TRPA1: variants seen among roughly 807,000 people sequenced by gnomAD.
TRPA1 encodes transient receptor potential cation channel subfamily A member 1.
TRPA1 carries 129 observed loss-of-function variants against 131.3 expected under a neutral mutation model. The ratio of observed to expected loss-of-function variants is 0.98; its 90% CI spans 0.85 to 1.14. TRPA1 has a LOEUF of 1.14. Ranked by LOEUF, TRPA1 falls within the 50% of genes most tolerant of loss-of-function variation. The pLI is 0.00. For missense variants in TRPA1, 1,304 were observed against 1,354.2 expected (o/e 0.96, Z 0.58); for synonymous variants, 441 against 451.7 (o/e 0.98, Z 0.30).
rs1009267120 is a variant in TRPA1 at position 72,055,292 on chromosome 8, A to G, written c.1529+144T>C. 1.7e-5 allele frequency: 12 copies of G among 697,162 alleles called. No homozygotes were observed. The African/African-American group carries it at 2.2e-4, about 13-fold the overall frequency. The allele number at this position is 697,162 out of a possible 1,614,324, so 43.2% of individuals were successfully genotyped here. The stretch of plus-strand genomic sequence containing the variant: ...CCCTTTCAGTATTTTTAGAAGTTAC[A>G]TATGTTTTGATGAAAAAATAAATTG... On this transcript the variant is annotated intron_variant, in intron 12 of 26. Coordinates refer to ENST00000262209, the MANE Select transcript of TRPA1 (RefSeq NM_007332.3).
At chr8:72,031,921 G>C (rs534151397) in intron 23 of TRPA1, among the ~76,000 whole-genome samples, 66 of 152,310 alleles carry the variant, frequency 4.3e-4, no homozygotes, top group African/African-American at 1.5e-3. Context: ...AATAGAGTTA[G>C]TTAATTGGAG....
chr8:72,030,389 G>C (rs922795497), intron 23 of TRPA1, among the ~76,000 whole-genome samples: 2 of 152,122 alleles, frequency 1.3e-5, no homozygotes, highest in African/African-American at 4.8e-5. Flanking sequence ...CATAAAAATT[G>C]AAATCATAGC....
intron 24 of TRPA1, among the ~76,000 whole-genome samples, chr8:72,028,541 T>A (rs925959393): frequency 1.3e-5 from 2 of 152,244 alleles, no homozygotes; most frequent in Non-Finnish European, 2.9e-5. Context: ...TATTTTTGCA[T>A]TTTTTCCTGT....
intron 4 of TRPA1, among the ~76,000 whole-genome samples, chr8:72,064,796 T>C (rs945788617): frequency 1.3e-5 from 2 of 149,248 alleles, no homozygotes; most frequent in Non-Finnish European, 3.0e-5. Flanking sequence ...GCCGGCATTC[T>C]AACAGCACAC....
At chr8:72,052,188 G>A (rs747822225) in intron 14 of TRPA1, among the ~76,000 whole-genome samples, 33 of 152,148 alleles carry the variant, frequency 2.2e-4, no homozygotes, top group Non-Finnish European at 3.8e-4. Context: ...TTGGGAGGCC[G>A]AGGTGGGCGA....
chr8:72,043,355 C>T (rs1209329479), intron 17 of TRPA1, among the ~76,000 whole-genome samples: 4 of 151,822 alleles, frequency 2.6e-5, no homozygotes, highest in Non-Finnish European at 4.4e-5. Flanking sequence ...TTATTCAACA[C>T]AGCCTAGAAA....
At chr8:72,071,640 T>C (rs964292635) in intron 2 of TRPA1, 71 bp downstream of exon 2, 4 of 1,554,562 alleles carry the variant, frequency 2.6e-6, no homozygotes, top group Non-Finnish European at 3.5e-6. Flanking sequence ...AAAAATCACT[T>C]CCTTCCATTC....
intron 1 of TRPA1, among the ~76,000 whole-genome samples, chr8:72,073,480 T>TA (rs1376720958): frequency 6.6e-6 from 1 of 152,178 alleles, no homozygotes; most frequent in Non-Finnish European, 1.5e-5. Context: ...CTCTAGAGGT[T>TA]AAAAAACCCT....
chr8:72,026,878 G>T (rs990805890), intron 24 of TRPA1, among the ~76,000 whole-genome samples: 1 of 152,000 alleles, frequency 6.6e-6, no homozygotes, highest in Non-Finnish European at 1.5e-5. Flanking sequence ...ATAGTGAAAT[G>T]GTAAGAACTT....
the TRPA1 span, among the ~76,000 whole-genome samples, chr8:72,089,826 T>C: frequency 1.3e-5 from 2 of 152,094 alleles, no homozygotes; most frequent in Non-Finnish European, 2.9e-5. Context: ...TTCAGATGTA[T>C]ATGTTAGTAT....
intron 12 of TRPA1, 55 bp downstream of exon 12, chr8:72,055,381 C>A: frequency 2.8e-6 from 4 of 1,447,550 alleles, no homozygotes; most frequent in Non-Finnish European, 3.9e-6. Flanking sequence ...GAAAAGATAG[C>A]CTGAAAATGG....
At chr8:72,088,816 T>C in the TRPA1 span, among the ~76,000 whole-genome samples, 3 of 152,212 alleles carry the variant, frequency 2.0e-5, no homozygotes, top group African/African-American at 7.2e-5. Flanking sequence ...TATCTTGCTC[T>C]TTCTACTCCC....
intron 12 of TRPA1, chr8:72,054,796 G>T (rs1805618883): frequency 6.6e-6 from 1 of 152,406 alleles, no homozygotes; most frequent in African/African-American, 2.4e-5. Context: ...TACTGCTATG[G>T]TAAGATATCA....
At chr8:72,082,909 C>T in the TRPA1 span, among the ~76,000 whole-genome samples, 3 of 151,724 alleles carry the variant, frequency 2.0e-5, no homozygotes, top group East Asian at 3.9e-4. Context: ...CTTTCTCTTG[C>T]TCTTTTCTTT....
chr8:72,036,383 C>T lies in TRPA1; in HGVS notation c.2460G>A (p.Leu820=), dbSNP rs778120737. The change falls in exon 21 of 27, where the codon CTG becomes CTA. Residue 820 remains leucine (L), a synonymous_variant. Transcript: ENST00000262209. The stretch of plus-strand genomic sequence containing the variant: ...GAGCTGGTATTTCAACAAACAAGGG[C>T]AGCACAAAAATGATGCCCGTCGTGT... ...IIYTTGIIFV[L]PLFVEIPAHL... 4 of 1,614,126 alleles carry T rather than the reference C, an allele frequency of 2.5e-6. No homozygotes were observed. The South Asian group carries it at 4.4e-5, about 18-fold the overall frequency.
chr8:72,057,716 C>A lies in TRPA1; in HGVS notation c.1093+1G>T. The A allele has an allele frequency of 6.2e-7, 1 of 1,611,608 alleles. No individual in the cohort carries two copies. Among genetic ancestry groups the A allele is most frequent in the Admixed American group, 1.7e-5 (1 of 59,960 alleles). On this transcript the variant is annotated splice_donor_variant, in intron 9 of 26. Coordinates refer to ENST00000262209, the MANE Select transcript of TRPA1 (RefSeq NM_007332.3). LOFTEE classifies it high-confidence loss of function. ...AGACTTGGCTTGTTCCCTCTTGGTA[C>A]CTTTAGAGAGTAGCAAATTTACAAT...
chr8:72,082,251 C>A, the TRPA1 span, among the ~76,000 whole-genome samples: 6 of 151,992 alleles, frequency 3.9e-5, no homozygotes, highest in East Asian at 3.8e-4. Flanking sequence ...CAATGTATCA[C>A]AATTTCCTCT....
intron 15 of TRPA1, among the ~76,000 whole-genome samples, chr8:72,048,022 G>A (rs1805390872): frequency 1.3e-5 from 2 of 151,878 alleles, no homozygotes; most frequent in South Asian, 2.1e-4. Context: ...CAAGCAACAC[G>A]GAGAGAGTAT....
At chr8:72,041,718 A>C (rs533014807) in intron 17 of TRPA1, among the ~76,000 whole-genome samples, 2 of 152,032 alleles carry the variant, frequency 1.3e-5, no homozygotes, top group South Asian at 4.1e-4. Flanking sequence ...AAGCAATACT[A>C]AGAGGCAAGT....
Sources: gnomAD v4.1 joint callset for allele counts (sites outside exome capture counted in the v4.1 genomes callset) on GRCh38, gnomAD v4.1.1 for gene constraint, MANE v1.5 for transcripts, NCBI Gene and HGNC (gene_info 2026-07-23, HGNC 2026-07-21) for gene names.